BEND7: variants seen among roughly 807,000 people sequenced by gnomAD.
BEND7 encodes the protein BEN domain containing 7.
A neutral mutation model predicts 50.9 loss-of-function variants in BEND7; 28 were observed. That is an observed-to-expected ratio of 0.55 (90% CI 0.41 to 0.75). The LOEUF (loss-of-function observed/expected upper bound fraction) is 0.75. BEND7 is among the 30% of genes least tolerant of loss of function. The pLI is 0.00. For missense variants in BEND7, 477 were observed against 491.3 expected (o/e 0.97, Z 0.28); for synonymous variants, 170 against 183.9 (o/e 0.92, Z 0.61).
At chr10:13,457,822 T>A (rs1839315290) in intron 6 of BEND7, among the ~76,000 whole-genome samples, 1 of 152,248 alleles carries the variant, frequency 6.6e-6, no homozygotes, top group African/African-American at 2.4e-5. Context: ...TGAAAAGAGG[T>A]ATTGCATTAA....
At chr10:13,453,548 T>C (rs1055107694) in intron 6 of BEND7, among the ~76,000 whole-genome samples, 1 of 152,150 alleles carries the variant, frequency 6.6e-6, no homozygotes, top group African/African-American at 2.4e-5. Context: ...AAATAAGACA[T>C]TTCATCAGAA....
chr10:13,454,232 G>A (rs142277671), intron 6 of BEND7, among the ~76,000 whole-genome samples: 4 of 152,322 alleles, frequency 2.6e-5, no homozygotes, highest in Non-Finnish European at 5.9e-5. Flanking sequence ...AGGGGTGTTT[G>A]TGGAGCACCC....
At chr10:13,479,959 G>A (rs574327301) in intron 6 of BEND7, among the ~76,000 whole-genome samples, 66 of 152,282 alleles carry the variant, frequency 4.3e-4, no homozygotes, top group African/African-American at 1.5e-3. Context: ...GGAACAGAAG[G>A]GGGCAGAGAA....
chr10:13,446,962 G>A (rs972266132), intron 8 of BEND7: 8 of 374,946 alleles, frequency 2.1e-5, no homozygotes, highest in East Asian at 6.2e-5. Context: ...CTCATTTCAC[G>A]TTAAAAATAT....
intron 3 of BEND7, among the ~76,000 whole-genome samples, chr10:13,497,251 C>CA (rs1490804624): frequency 3.9e-5 from 6 of 152,160 alleles, no homozygotes; most frequent in African/African-American, 1.4e-4. Context: ...CTAGTTCACA[C>CA]AAAAAAGGAG....
rs141062105 is a variant in BEND7, at chr10:13,441,297, A to ATT, written c.*444_*445dup. 1.0e-5 allele frequency: 9 copies of ATT among 903,236 alleles called. No homozygotes were observed. In the African/African-American group the frequency reaches 1.3e-4, roughly 13 times the overall value. 56.0% of individuals were successfully genotyped at this position (903,236 alleles called of 1,614,324 possible). A position where few individuals can be genotyped will look rare whatever the true frequency, so the allele number is the denominator to read the frequency against. ...ATTGAGACATTATCCATAGATATGG[A>ATT]TTTTTTTTTTGCTAAGAAAGCCTAT... is the stretch of plus-strand genomic sequence containing the variant. On this transcript the variant is annotated 3_prime_UTR_variant, in exon 9 of 9. Transcript: ENST00000466271.
intron 1 of BEND7, chr10:13,527,700 C>T (rs2079520634): frequency 3.0e-6 from 1 of 332,014 alleles, no homozygotes; most frequent in South Asian, 1.2e-4. Flanking sequence ...TATATTTTCA[C>T]GATGGCTCTT....
chr10:13,507,079 G>T (rs1171612596), intron 2 of BEND7, among the ~76,000 whole-genome samples: 2 of 152,100 alleles, frequency 1.3e-5, no homozygotes, highest in Non-Finnish European at 2.9e-5. Flanking sequence ...TCTGGACTGA[G>T]TAAGCCCCTG....
intron 6 of BEND7, among the ~76,000 whole-genome samples, chr10:13,460,803 G>C (rs1343054445): frequency 6.6e-6 from 1 of 152,202 alleles, no homozygotes; most frequent in African/African-American, 2.4e-5. Context: ...AAACTGGGGG[G>C]AGGGTTACAA....
chr10:13,478,187 G>A (rs549971248), intron 6 of BEND7, among the ~76,000 whole-genome samples: 5 of 152,254 alleles, frequency 3.3e-5, no homozygotes, highest in African/African-American at 1.2e-4. Context: ...TCTGGGTGTG[G>A]TGTCACCTCC....
intron 2 of BEND7, among the ~76,000 whole-genome samples, chr10:13,504,160 T>A (rs1001901073): frequency 4.6e-5 from 7 of 151,934 alleles, no homozygotes; most frequent in African/African-American, 1.7e-4. Context: ...CTGGGGACAG[T>A]GGGTGCTGGG....
chr10:13,502,436 CCT>C (rs2077539712), intron 2 of BEND7, among the ~76,000 whole-genome samples: 1 of 152,028 alleles, frequency 6.6e-6, no homozygotes, highest in African/African-American at 2.4e-5. Context: ...ACTTCAAACC[CCT>C]GTGAAAATTA....
chr10:13,484,424 T>C (rs2076081281), intron 5 of BEND7, among the ~76,000 whole-genome samples: 1 of 152,264 alleles, frequency 6.6e-6, no homozygotes, highest in African/African-American at 2.4e-5. Context: ...CACATAATGA[T>C]CCACATCTTT....
chr10:13,478,225 T>C (rs569229141), intron 6 of BEND7, among the ~76,000 whole-genome samples: 4 of 152,272 alleles, frequency 2.6e-5, no homozygotes, highest in Non-Finnish European at 4.4e-5. Context: ...TCAGAGTTAA[T>C]TCCCCCTGGT....
intron 2 of BEND7, among the ~76,000 whole-genome samples, chr10:13,515,886 G>T (rs1348658206): frequency 6.6e-6 from 1 of 152,148 alleles, no homozygotes; most frequent in South Asian, 2.1e-4. Context: ...TGCATTTGAC[G>T]GACACAATGG....
upstream of BEND7, among the ~76,000 whole-genome samples, chr10:13,529,313 C>A (rs751572896): frequency 2.6e-5 from 4 of 151,492 alleles, no homozygotes; most frequent in Non-Finnish European, 5.9e-5. Flanking sequence ...GAGCTAACTC[C>A]GTGCACCTCG....
downstream of BEND7, chr10:13,439,314 T>C: frequency 6.2e-7 from 1 of 1,614,174 alleles, no homozygotes; most frequent in South Asian, 1.1e-5. Flanking sequence ...TTGGCTGGTT[T>C]GGGACAAAGC....
chr10:13,514,437 T>A lies in BEND7; in HGVS notation c.145+11701A>T, dbSNP rs79683466. On this transcript the variant is annotated intron_variant, in intron 2 of 8. Transcript: ENST00000466271. ...CATTTGGTGCCTAAATTCGGCCACA[T>A]CTTCCCATGAAAGCCTTCCCCGAGG... is the stretch of plus-strand genomic sequence containing the variant. 5.3e-3 allele frequency among the ~76,000 whole-genome samples: 808 copies of A among 152,280 alleles called. 14 individuals are homozygous for A. The South Asian group carries it at 0.072, about 14-fold the overall frequency.
intron 6 of BEND7, among the ~76,000 whole-genome samples, chr10:13,466,081 G>C (rs914304324): frequency 6.6e-6 from 1 of 152,060 alleles, no homozygotes; most frequent in Non-Finnish European, 1.5e-5. Context: ...ACAACTGTTG[G>C]GAAACAAGAA....
Sources: gnomAD v4.1 joint callset for allele counts (sites outside exome capture counted in the v4.1 genomes callset) on GRCh38, gnomAD v4.1.1 for gene constraint, MANE v1.5 for transcripts, NCBI Gene and HGNC (gene_info 2026-07-23, HGNC 2026-07-21) for gene names.